DEUP1: variants seen among roughly 807,000 people sequenced by gnomAD.
DEUP1 encodes the protein coiled-coil domain containing 67.
Under a neutral mutation model 87.4 loss-of-function variants are expected in DEUP1, and 82 were observed. That is an observed-to-expected ratio of 0.94 (90% confidence interval 0.78 to 1.13). DEUP1 has a LOEUF of 1.13. DEUP1 is among the 50% of genes most tolerant of loss of function. The pLI is 0.00. For missense variants in DEUP1, 663 were observed against 681.5 expected, an observed-to-expected ratio of 0.97 and a Z score of 0.30; for synonymous variants, 214 against 222.7, an observed-to-expected ratio of 0.96 and a Z score of 0.35.
At chr11:93,407,741 T>C (rs1295765849) in intron 11 of DEUP1, among the ~76,000 whole-genome samples, 1 of 151,962 alleles carries the variant, frequency 6.6e-6, no homozygotes, top group Non-Finnish European at 1.5e-5. Flanking sequence ...TTTAAATGCA[T>C]GTTATTTCCA....
chr11:93,365,129 G>A (rs1945351328), intron 5 of DEUP1, among the ~76,000 whole-genome samples: 1 of 151,818 alleles, frequency 6.6e-6, no homozygotes, highest in African/African-American at 2.4e-5. Context: ...CTAAACCCCA[G>A]CATCCCTCCC....
chr11:93,430,011 C>G (rs908257890), intron 13 of DEUP1, among the ~76,000 whole-genome samples: 6 of 152,114 alleles, frequency 3.9e-5, no homozygotes, highest in Non-Finnish European at 8.8e-5. Flanking sequence ...CCTATCAAGA[C>G]TACTGCCGAT....
chr11:93,427,872 A>G (rs1330657976), intron 13 of DEUP1, among the ~76,000 whole-genome samples: 1 of 51,390 alleles, frequency 1.9e-5, no homozygotes, highest in East Asian at 9.1e-4. Flanking sequence ...AACACATGAA[A>G]AAATGCTCAT....
In DEUP1 at chr11:93,437,603, G is replaced by A; in HGVS notation, c.1699G>A (p.Glu567Lys). 2 of 1,613,582 alleles carry A rather than the reference G, an allele frequency of 1.2e-6. No individual in the cohort carries two copies. Among genetic ancestry groups the A allele is most frequent in the Non-Finnish European group, 8.5e-7 (1 of 1,179,594 alleles). The change falls in exon 14 of 14, where the codon GAG becomes AAG. Residue 567 changes from glutamate to lysine, a missense_variant. Transcript: ENST00000298050. ...TGCACAGCATTTCCTTCTGGAAGAA[G>A]AGAAACGAGCAAAAGAACTTGAAAA... ...LAAQHFLLEE[E>K]KRAKELEKLL...
chr11:93,334,940 T>C (rs1228942894), intron 2 of DEUP1, among the ~76,000 whole-genome samples: 2 of 152,236 alleles, frequency 1.3e-5, no homozygotes, highest in Non-Finnish European at 2.9e-5. Flanking sequence ...CATGAATTTC[T>C]ACTTACTAGT....
rs58458360 is a variant in DEUP1 at position 93,354,391 on chromosome 11, C to A, written c.30-980C>A. Among the ~76,000 whole-genome samples, 1,338 of 152,240 alleles carry A rather than the reference C, an allele frequency of 8.8e-3. 18 individuals carry two copies. The highest frequency in any genetic ancestry group is 0.031 in the African/African-American group (1,289 of 41,544). ...GTTCCAAAATTTGCCACATTTTTCTCTCTTCTTCTGAACCCTCTAAACTGT... is the reference window on the plus strand; with the variant it reads ...GTTCCAAAATTTGCCACATTTTTCTATCTTCTTCTGAACCCTCTAAACTGT... On this transcript the variant is annotated intron_variant, in intron 2 of 13. Transcript: ENST00000298050.
intron 8 of DEUP1, among the ~76,000 whole-genome samples, chr11:93,387,283 G>A (rs183848911): frequency 6.6e-6 from 1 of 151,958 alleles, no homozygotes; most frequent in East Asian, 1.9e-4. Flanking sequence ...TATTGTTTTG[G>A]TTTATTTTAT....
At chr11:93,355,259 A>T in intron 2 of DEUP1, 112 bp from the exon 3 acceptor site, 1 of 972,732 alleles carries the variant, frequency 1.0e-6, no homozygotes, top group Non-Finnish European at 1.5e-6. Context: ...CTATTTAAAT[A>T]ATTGAACAAT....
intron 2 of DEUP1, among the ~76,000 whole-genome samples, chr11:93,345,467 T>C (rs1236056368): frequency 2.6e-5 from 4 of 152,186 alleles, no homozygotes; most frequent in African/African-American, 4.8e-5. Flanking sequence ...TAATTTCCAC[T>C]CCCACAAACA....
chr11:93,404,113 A>C (rs1947199295), intron 11 of DEUP1, among the ~76,000 whole-genome samples: 1 of 152,024 alleles, frequency 6.6e-6, no homozygotes, highest in African/African-American at 2.4e-5. Flanking sequence ...ACAGGCAGCC[A>C]CCCAGTTCTA....
intron 4 of DEUP1, among the ~76,000 whole-genome samples, chr11:93,358,050 C>T (rs891024335): frequency 6.6e-6 from 1 of 152,078 alleles, no homozygotes; most frequent in African/African-American, 2.4e-5. Context: ...TGTAAAACAA[C>T]AACATAAACA....
At chr11:93,345,039 C>T (rs912785764) in intron 2 of DEUP1, among the ~76,000 whole-genome samples, 1 of 152,010 alleles carries the variant, frequency 6.6e-6, no homozygotes, top group Non-Finnish European at 1.5e-5. Flanking sequence ...GCCTGAGTGT[C>T]TATTGTTCCC....
Position 93,437,940 on chromosome 11 carries a change from A to G in DEUP1, c.*221A>G. 2 of 354,046 alleles carry G rather than the reference A, an allele frequency of 5.6e-6. No homozygotes were observed. Among genetic ancestry groups the G allele is most frequent in the South Asian group, 7.3e-5 (2 of 27,536 alleles). 21.9% of individuals were successfully genotyped at this position (354,046 alleles called of 1,614,324 possible). ...TAAATTGTCCTGCTGTAGAGTTACT[A>G]TAAAATAAACATGACTATTCCAAAA... On this transcript the variant is annotated 3_prime_UTR_variant, in exon 14 of 14. Coordinates refer to ENST00000298050, the MANE Select transcript of DEUP1 (RefSeq NM_181645.4).
At chr11:93,359,272 C>G (rs956730361) in intron 4 of DEUP1, among the ~76,000 whole-genome samples, 2 of 152,190 alleles carry the variant, frequency 1.3e-5, no homozygotes, top group Non-Finnish European at 2.9e-5. Flanking sequence ...TAAGGATACA[C>G]TTTACCACAC....
intron 2 of DEUP1, among the ~76,000 whole-genome samples, chr11:93,342,986 C>T (rs941937541): frequency 5.9e-5 from 9 of 152,096 alleles, no homozygotes; most frequent in Admixed American, 4.6e-4. Context: ...GAGTCTAGTG[C>T]TCTGTTTTGA....
chr11:93,414,446 G>A (rs1947543114), intron 12 of DEUP1, among the ~76,000 whole-genome samples: 1 of 152,144 alleles, frequency 6.6e-6, no homozygotes, highest in Non-Finnish European at 1.5e-5. Context: ...GGCGGAGGTT[G>A]CAGTGAGCTG....
intron 2 of DEUP1, among the ~76,000 whole-genome samples, chr11:93,350,036 T>C (rs1944554991): frequency 6.6e-6 from 1 of 152,190 alleles, no homozygotes; most frequent in South Asian, 2.1e-4. Flanking sequence ...GGAGTATATT[T>C]GGCTTTCTCT....
intron 9 of DEUP1, 88 bp from the exon 10 acceptor site, chr11:93,394,371 A>G (rs1263588805): frequency 1.1e-6 from 1 of 950,116 alleles, no homozygotes; most frequent in Non-Finnish European, 1.5e-6. Flanking sequence ...AAGTTTCAGA[A>G]TAGAAGGACT....
intron 13 of DEUP1, among the ~76,000 whole-genome samples, chr11:93,435,283 G>C (rs1948210673): frequency 2.0e-5 from 3 of 152,098 alleles, no homozygotes; most frequent in Admixed American, 2.0e-4. Context: ...GGTTTCTGTT[G>C]CAAGCAGGTC....
Sources: allele counts gnomAD v4.1 joint callset (sites outside exome capture counted in the v4.1 genomes callset), GRCh38; gene constraint gnomAD v4.1.1; transcripts MANE v1.5; gene names NCBI Gene and HGNC (gene_info 2026-07-23, HGNC 2026-07-21).